Variants in COL17A1 observed in about 807,000 individuals in gnomAD.
COL17A1 encodes collagen alpha-1(XVII) chain.
Under a neutral mutation model 218.4 loss-of-function variants are expected in COL17A1, and 181 were observed. The observed-to-expected ratio is 0.83, with a 90% CI of 0.73 to 0.94. The LOEUF (loss-of-function observed/expected upper bound fraction) is 0.94. COL17A1 is among the 40% of genes least tolerant of loss of function. The probability of loss-of-function intolerance (pLI) is 0.00; values close to 1 mark genes in which losing one functional copy is unlikely to be tolerated. For synonymous variants in COL17A1, 721 were observed against 731.0 expected (o/e 0.99, Z 0.22); for missense variants, 1,924 against 1,945.9 (o/e 0.99, Z 0.21).
At position 104,031,300 on chromosome 10, in the gene COL17A1, A is replaced by ACTT. The variant is rs1171994881; in HGVS notation, c.*932_*934dup. 1 of 152,586 alleles carries ACTT rather than the reference A, an allele frequency of 6.6e-6. No homozygotes were observed. The highest frequency in any genetic ancestry group is 1.9e-4 in the East Asian group (1 of 5,202). 9.5% of individuals were successfully genotyped at this position (152,586 alleles called of 1,614,324 possible). ...ATTAAACATGATATTAGAAAAAAAA[A>ACTT]CTTCTTTAATGGGAAATTTTACGAT... is the stretch of plus-strand genomic sequence containing the variant. On this transcript the variant is annotated 3_prime_UTR_variant, in exon 56 of 56. Transcript: ENST00000648076.
intron 5 of COL17A1, among the ~76,000 whole-genome samples, chr10:104,075,659 G>GCTT (rs1393809265): frequency 6.6e-6 from 1 of 152,184 alleles, no homozygotes; most frequent in Non-Finnish European, 1.5e-5. Flanking sequence ...ACTCTCTGTG[G>GCTT]CTTCCCATTG....
intron 4 of COL17A1, among the ~76,000 whole-genome samples, chr10:104,077,220 G>A (rs2086718202): frequency 2.0e-5 from 3 of 152,126 alleles, no homozygotes; most frequent in Admixed American, 2.0e-4. Flanking sequence ...TGCACCCCCG[G>A]TCTCCAGCCC....
intron 32 of COL17A1, 133 bp from the exon 33 acceptor site, chr10:104,045,926 C>T (rs945507394): frequency 8.8e-6 from 7 of 792,314 alleles, no homozygotes; most frequent in African/African-American, 8.5e-5. Context: ...CCAGCTTTGC[C>T]TTCCGCCTTA....
At chr10:104,052,330 C>T in intron 23 of COL17A1, 113 bp from the exon 24 acceptor site, 1 of 1,387,884 alleles carries the variant, frequency 7.2e-7, no homozygotes, top group Non-Finnish European at 1.0e-6. Context: ...GGTCTTGGAT[C>T]CATTTGGTGC....
At chr10:104,085,417 T>C (rs1357320360) in intron 1 of COL17A1, among the ~76,000 whole-genome samples, 3 of 152,194 alleles carry the variant, frequency 2.0e-5, no homozygotes, top group African/African-American at 7.2e-5. Flanking sequence ...ATATTCTAAA[T>C]AAAACAACAC....
In COL17A1 at chr10:104,038,532, C is replaced by A; in HGVS notation, c.2948-4G>T. ...TACATGGTACTTGATGATCCCCCTG[C>A]AGCAAAGAGAAAGCGTCCTGTGTCG... On this transcript the variant is annotated splice_polypyrimidine_tract_variant and splice_region_variant and intron_variant, in intron 44 of 55. Transcript: ENST00000648076. The A allele has an allele frequency of 1.2e-6, 2 of 1,611,430 alleles. No individual in the cohort carries two copies. The highest frequency in any genetic ancestry group is 1.7e-6 in the Non-Finnish European group (2 of 1,179,944).
rs1564680015 is a variant in COL17A1 at position 104,057,139 on chromosome 10, C to T, written c.1301G>A (p.Gly434Asp). 1 of 1,608,824 alleles carries T rather than the reference C, an allele frequency of 6.2e-7. No homozygotes were observed. Among genetic ancestry groups the T allele is most frequent in the Non-Finnish European group, 8.5e-7 (1 of 1,176,364 alleles). ...IHSYGSSGGG[G>D]SGGGGGVGGA... is the part of the protein sequence containing the mutation. ...ACCAACACCGCCACCTCCTCCACTGCCACCACCACCACTGCTGCCGTAGCT... is the reference window on the plus strand; with the variant it reads ...ACCAACACCGCCACCTCCTCCACTGTCACCACCACCACTGCTGCCGTAGCT... The change falls in exon 17 of 56, where the codon GGC becomes GAC. Residue 434 changes from glycine to aspartate, a missense_variant. Coordinates refer to ENST00000648076, the MANE Select transcript of COL17A1 (RefSeq NM_000494.4).
At position 104,036,654 on chromosome 10, in the gene COL17A1, A is replaced by C. The variant is rs746314104; in HGVS notation, c.3278-22T>G. On this transcript the variant is annotated intron_variant, in intron 47 of 55. Coordinates refer to ENST00000648076, the MANE Select transcript of COL17A1 (RefSeq NM_000494.4). ...TCCCCTGGAGAGGAGAGGATGCACT[A>C]GCAGGACCCACCCAGGCCATGGGGG... is the stretch of plus-strand genomic sequence containing the variant. 19 of 1,612,640 alleles carry C rather than the reference A, an allele frequency of 1.2e-5. No homozygotes were observed. The South Asian group carries it at 1.9e-4, about 16-fold the overall frequency.
chr10:104,083,432 CA>C (rs913591823), intron 1 of COL17A1, among the ~76,000 whole-genome samples: 3 of 152,186 alleles, frequency 2.0e-5, no homozygotes, highest in Non-Finnish European at 4.4e-5. Context: ...TTCAAGCTCT[CA>C]ATTCCAAAAT....
intron 9 of COL17A1, among the ~76,000 whole-genome samples, chr10:104,070,163 C>T (rs982576207): frequency 6.6e-6 from 1 of 152,158 alleles, no homozygotes; most frequent in Non-Finnish European, 1.5e-5. Context: ...CCTCTACCCC[C>T]TAAACCATAA....
At chr10:104,080,298 T>C (rs1030418531) in intron 2 of COL17A1, among the ~76,000 whole-genome samples, 5 of 152,248 alleles carry the variant, frequency 3.3e-5, no homozygotes, top group Non-Finnish European at 5.9e-5. Flanking sequence ...TAGATTTCTG[T>C]TGCCCTGTAC....
At chr10:104,048,854 A>G (rs1034988800) in intron 29 of COL17A1, among the ~76,000 whole-genome samples, 1 of 144,994 alleles carries the variant, frequency 6.9e-6, no homozygotes, top group Non-Finnish European at 1.5e-5. Context: ...TTTTTTTTTG[A>G]GAGATGAATT....
chr10:104,049,561 G>C, intron 28 of COL17A1, 90 bp from the exon 29 acceptor site: 1 of 1,397,570 alleles, frequency 7.2e-7, no homozygotes. Flanking sequence ...AAGAGGTCAA[G>C]GAAGCAGCTT....
rs774228162 is a variant in COL17A1 at position 104,034,172 on chromosome 10, G to A, written c.3929C>T (p.Ser1310Phe). Residue 1310 changes from serine (S) to phenylalanine (F), a missense_variant, in exon 52 of 56, where the codon TCC becomes TTC. Physicochemically the swap from Ser to Phe is radical, Grantham distance 155. Transcript: ENST00000648076. ...TGCACCACCTCCTCCTGTGCTCATG[G>A]AAGAGCTGTAGGAGCTGCCCCGCCT... is the stretch of plus-strand genomic sequence containing the variant. ...SVRRGSSYSS[S>F]MSTGGGGAGS... 3.1e-6 allele frequency: 5 copies of A among 1,613,654 alleles called. No homozygotes were observed. The East Asian group carries it at 1.1e-4, about 36-fold the overall frequency.
At chr10:104,041,576 C>A in intron 36 of COL17A1, 38 bp from the exon 37 acceptor site, 1 of 1,570,828 alleles carries the variant, frequency 6.4e-7, no homozygotes, top group South Asian at 1.1e-5. Flanking sequence ...CAAAAGCTGT[C>A]ACGAGGCTGC....
chr10:104,053,059 A>T lies in COL17A1; in HGVS notation c.1911T>A (p.Pro637=), dbSNP rs753122156. Residue 637 remains proline (P), a synonymous_variant, in exon 23 of 56, where the codon CCT becomes CCA. Coordinates refer to ENST00000648076, the MANE Select transcript of COL17A1 (RefSeq NM_000494.4). ...GPMGPRGEAG[P]PGSGEKGERG... is the part of the protein sequence containing the mutation. The stretch of plus-strand genomic sequence containing the variant: ...TTTCCCCTTTCTCTCCAGATCCAGG[A>T]GGCCCTGCCTCACCACGAGGTCCCA... 18 of 1,614,030 alleles carry T rather than the reference A, an allele frequency of 1.1e-5. No homozygotes were observed. In the African/African-American group the frequency reaches 2.3e-4, roughly 20 times the overall value.
intron 29 of COL17A1, 110 bp downstream of exon 29, chr10:104,049,299 G>A: frequency 2.1e-6 from 2 of 963,106 alleles, no homozygotes; most frequent in Non-Finnish European, 3.4e-6. Flanking sequence ...TCTACCAGGA[G>A]TGGGCAGATT....
intron 8 of COL17A1, 74 bp from the exon 9 acceptor site, chr10:104,070,643 A>G (rs2086661891): frequency 6.2e-7 from 1 of 1,612,024 alleles, no homozygotes; most frequent in Non-Finnish European, 8.5e-7. Flanking sequence ...TGGGGGGAAC[A>G]TTTGTGGCAT....
intron 5 of COL17A1, 45 bp downstream of exon 5, chr10:104,076,256 T>C (rs1438155033): frequency 1.2e-6 from 2 of 1,612,492 alleles, no homozygotes; most frequent in East Asian, 2.2e-5. Context: ...GTGAAGTTGC[T>C]TGGGGAAGAG....
Sources: gnomAD v4.1 joint callset for allele counts (sites outside exome capture counted in the v4.1 genomes callset) on GRCh38, gnomAD v4.1.1 for gene constraint, MANE v1.5 for transcripts, NCBI Gene and HGNC (gene_info 2026-07-23, HGNC 2026-07-21) for gene names.